Variants in CHLSN observed in about 807,000 individuals in gnomAD.
The protein encoded by CHLSN is cholesin, also known as protein cholesin.
chr7:1,075,590 G>A, the CHLSN span, among the ~76,000 whole-genome samples: 7 of 145,610 alleles, frequency 4.8e-5, no homozygotes, highest in Admixed American at 3.5e-4. Context: ...GACCAAGGCC[G>A]CACAACAAAT....
At chr7:997,493 C>A in the CHLSN span, 5 of 740,020 alleles carry the variant, frequency 6.8e-6, no homozygotes, top group South Asian at 4.4e-5. Context: ...CCCCCACCAC[C>A]GGAGGAGCTG....
the CHLSN span, among the ~76,000 whole-genome samples, chr7:1,006,686 G>A: frequency 6.7e-6 from 1 of 150,272 alleles, no homozygotes; most frequent in Non-Finnish European, 1.5e-5. Flanking sequence ...AAGAGCGCAC[G>A]ACGGTCATAC....
the CHLSN span, among the ~76,000 whole-genome samples, chr7:1,128,715 G>C: frequency 1.0e-4 from 3 of 28,802 alleles, no homozygotes; most frequent in Admixed American, 3.1e-4. Flanking sequence ...GCAGTGGCAC[G>C]ATCTCGGCTC....
At chr7:1,055,522 T>G in the CHLSN span, 1 of 447,940 alleles carries the variant, frequency 2.2e-6, no homozygotes, top group South Asian at 1.6e-5. Context: ...AGAGGGGACG[T>G]GGGGGGCTCT....
At chr7:987,770 G>A in the CHLSN span, among the ~76,000 whole-genome samples, 5 of 152,074 alleles carry the variant, frequency 3.3e-5, no homozygotes, top group African/African-American at 4.8e-5. Flanking sequence ...GGTCCCCTCC[G>A]TGTGTCCTGT....
At chr7:978,567 C>T in the CHLSN span, among the ~76,000 whole-genome samples, 1 of 152,150 alleles carries the variant, frequency 6.6e-6, no homozygotes, top group Non-Finnish European at 1.5e-5. Context: ...TGTTTGAGCC[C>T]CAGCAATCAA....
chr7:1,068,804 A>G, the CHLSN span, among the ~76,000 whole-genome samples: 64 of 152,340 alleles, frequency 4.2e-4, no homozygotes, highest in African/African-American at 1.4e-3. Flanking sequence ...TGAGCTGACT[A>G]GGATTGCAAC....
chr7:1,098,748 G>GTGCGT, the CHLSN span, among the ~76,000 whole-genome samples: 1 of 152,218 alleles, frequency 6.6e-6, no homozygotes, highest in Non-Finnish European at 1.5e-5. Context: ...TGTCCACTGC[G>GTGCGT]TGCGTCCGCC....
At chr7:1,091,879 G>A in the CHLSN span, 2 of 1,613,872 alleles carry the variant, frequency 1.2e-6, no homozygotes, top group Non-Finnish European at 1.7e-6. Context: ...TGAGCTCTCG[G>A]AGCACCAGCA....
the CHLSN span, among the ~76,000 whole-genome samples, chr7:999,361 C>A: frequency 6.6e-6 from 1 of 152,226 alleles, no homozygotes. Flanking sequence ...CAGGCTGTTC[C>A]AGTCAATTCT....
chr7:1,002,240 C>T, the CHLSN span, among the ~76,000 whole-genome samples: 697 of 23,934 alleles, frequency 0.029, 7 homozygotes, highest in Non-Finnish European at 0.033. Context: ...TGGAGTCCTG[C>T]GGGTGAGTGG....
At chr7:1,104,290 C>T in the CHLSN span, among the ~76,000 whole-genome samples, 18 of 152,354 alleles carry the variant, frequency 1.2e-4, no homozygotes, top group Non-Finnish European at 2.1e-4. Context: ...CATGCAGTGG[C>T]CCGGGAGGCT....
the CHLSN span, among the ~76,000 whole-genome samples, chr7:1,036,391 G>A: frequency 4.1e-4 from 62 of 151,268 alleles, no homozygotes; most frequent in Non-Finnish European, 5.3e-4. Context: ...TCGGGTGCTC[G>A]TGCTGTGGCC....
the CHLSN span, among the ~76,000 whole-genome samples, chr7:1,016,056 G>GCAGCACACGC: frequency 1.4e-5 from 2 of 143,910 alleles, no homozygotes; most frequent in Non-Finnish European, 3.0e-5. Flanking sequence ...CCAGCACACA[G>GCAGCACACGC]CAGCACACGC....
the CHLSN span, among the ~76,000 whole-genome samples, chr7:1,111,327 T>C: frequency 6.6e-6 from 1 of 152,376 alleles, no homozygotes; most frequent in East Asian, 1.9e-4. Context: ...GGGTAGCAGG[T>C]GTTCTGCTGC....
chr7:1,102,886 A>T, the CHLSN span, among the ~76,000 whole-genome samples: 2 of 152,260 alleles, frequency 1.3e-5, no homozygotes, highest in Non-Finnish European at 2.9e-5. Flanking sequence ...TCCTTGCAGG[A>T]AAATAGAGTC....
the CHLSN span, among the ~76,000 whole-genome samples, chr7:1,039,663 T>A: frequency 1.5e-5 from 1 of 67,138 alleles, no homozygotes; most frequent in Non-Finnish European, 2.6e-5. Flanking sequence ...CTACCCCGTC[T>A]GGGAGGTGTG....
At chr7:1,083,498 G>A in the CHLSN span, among the ~76,000 whole-genome samples, 3 of 152,030 alleles carry the variant, frequency 2.0e-5, no homozygotes, top group African/African-American at 7.3e-5. Flanking sequence ...CCTGGTGGCA[G>A]ACGCCTGTAG....
the CHLSN span, chr7:1,000,420 T>C: frequency 8.7e-7 from 1 of 1,144,122 alleles, no homozygotes; most frequent in Non-Finnish European, 1.2e-6. Flanking sequence ...TGCCCCGCCG[T>C]GCACAGACCT....
Sources: gnomAD v4.1 joint callset for allele counts (sites outside exome capture counted in the v4.1 genomes callset) on GRCh38, gnomAD v4.1.1 for gene constraint, MANE v1.5 for transcripts, NCBI Gene and HGNC (gene_info 2026-07-23, HGNC 2026-07-21) for gene names.